NSUN7: variants seen among roughly 807,000 people sequenced by gnomAD.
The protein encoded by NSUN7 is protein NSUN7.
A neutral mutation model predicts 58.5 loss-of-function variants in NSUN7; 39 were observed. The observed-to-expected ratio is 0.67, with a 90% CI of 0.52 to 0.87. The LOEUF (loss-of-function observed/expected upper bound fraction) is 0.87. NSUN7 is among the 40% of genes least tolerant of loss of function. The probability of loss-of-function intolerance (pLI) is 0.00; values close to 1 mark genes in which losing one functional copy is unlikely to be tolerated. For missense variants in NSUN7, 765 were observed against 844.1 expected (o/e 0.91, Z 1.16); for synonymous variants, 278 against 303.7 (o/e 0.92, Z 0.88).
chr4:40,770,918 G>T (rs1450079166), intron 4 of NSUN7, among the ~76,000 whole-genome samples: 1 of 152,086 alleles, frequency 6.6e-6, no homozygotes, highest in Non-Finnish European at 1.5e-5. Context: ...AGGTGTGGTG[G>T]TGTGCACCTG....
chr4:40,760,594 G>T, intron 3 of NSUN7, 102 bp downstream of exon 3: 1 of 892,718 alleles, frequency 1.1e-6, no homozygotes, highest in Admixed American at 2.6e-5. Flanking sequence ...CGGGCGCAGT[G>T]GCTCACACCT....
intron 2 of NSUN7, among the ~76,000 whole-genome samples, chr4:40,753,851 A>G (rs1208347288): frequency 1.3e-5 from 2 of 152,040 alleles, no homozygotes; most frequent in Admixed American, 6.6e-5. Flanking sequence ...TGATGGTTCT[A>G]TAAGGGGGAG....
Position 40,808,925 on chromosome 4 carries a change from C to T in NSUN7, c.2143C>T (p.Arg715Trp), listed in dbSNP as rs1283420058. Residue 715 changes from arginine to tryptophan, a missense_variant, in exon 12 of 12, where the codon CGG (arginine) becomes TGG (tryptophan). Arg to Trp is a moderately radical substitution (Grantham distance 101). Coordinates refer to ENST00000381782, the MANE Select transcript of NSUN7 (RefSeq NM_024677.6). Reference protein sequence around the residue: ...DTPSSLLRPPRRWL With the variant: ...DTPSSLLRPPWRWL ...ACCTTCCTCCCTACTCAGGCCTCCT[C>T]GGCGATGGCTTTGATTGTCTTGTGT... is the stretch of plus-strand genomic sequence containing the variant. 8 of 1,521,192 alleles carry T rather than the reference C, an allele frequency of 5.3e-6. No individual in the cohort carries two copies. Among genetic ancestry groups the T allele is most frequent in the Middle Eastern group, 1.7e-4 (1 of 5,912 alleles). 94.2% of individuals were successfully genotyped at this position (1,521,192 alleles called of 1,614,324 possible). A position where few individuals can be genotyped will look rare whatever the true frequency, so the allele number is the denominator to read the frequency against.
At chr4:40,765,914 T>G (rs1235088858) in intron 4 of NSUN7, among the ~76,000 whole-genome samples, 1 of 152,258 alleles carries the variant, frequency 6.6e-6, no homozygotes, top group Non-Finnish European at 1.5e-5. Context: ...ATGCTTGTGA[T>G]ATTTGTACAT....
At chr4:40,752,655 T>C (rs1056745733) in intron 2 of NSUN7, among the ~76,000 whole-genome samples, 3 of 151,960 alleles carry the variant, frequency 2.0e-5, no homozygotes, top group Admixed American at 1.3e-4. Flanking sequence ...CTCCTGACTT[T>C]GTGATCCACC....
Position 40,794,867 on chromosome 4 carries a change from T to C in NSUN7, c.1282+391T>C, listed in dbSNP as rs150234756. ...AGTCCAAATTTTAGTCAAACTCTTA[T>C]TTCTCTTAGTGCTAAGTAGAGAACA... On this transcript the variant is annotated intron_variant, in intron 9 of 11. Transcript: ENST00000381782. 1.4e-3 allele frequency among the ~76,000 whole-genome samples: 220 copies of C among 152,316 alleles called. 1 individual carries two copies. The highest frequency in any genetic ancestry group is 0.011 in the South Asian group (54 of 4,826).
At chr4:40,795,248 A>G (rs1743270676) in intron 9 of NSUN7, among the ~76,000 whole-genome samples, 1 of 152,206 alleles carries the variant, frequency 6.6e-6, no homozygotes, top group South Asian at 2.1e-4. Context: ...AAATAAATAT[A>G]TAAACACACA....
At chr4:40,769,477 G>A (rs1560550352) in intron 4 of NSUN7, among the ~76,000 whole-genome samples, 1 of 152,184 alleles carries the variant, frequency 6.6e-6, no homozygotes, top group South Asian at 2.1e-4. Flanking sequence ...CTTTATGCCT[G>A]GAAGAATTCT....
chr4:40,802,919 C>CCT (rs1743651130), intron 10 of NSUN7, among the ~76,000 whole-genome samples: 4 of 143,110 alleles, frequency 2.8e-5, no homozygotes, highest in Admixed American at 6.9e-5. Flanking sequence ...AGGTATATCT[C>CCT]GTGCTAACCC....
chr4:40,754,446 C>G (rs369662289), intron 2 of NSUN7, among the ~76,000 whole-genome samples: 1 of 152,174 alleles, frequency 6.6e-6, no homozygotes, highest in African/African-American at 2.4e-5. Context: ...CTGCAACAAG[C>G]CATCTGCTAT....
chr4:40,751,092 GT>G, intron 2 of NSUN7, 101 bp downstream of exon 2: 1 of 1,397,094 alleles, frequency 7.2e-7, no homozygotes. Context: ...TTCACACCAG[GT>G]TTTGGTTTTA....
Position 40,794,397 on chromosome 4 carries a change from C to A in NSUN7, c.1203C>A (p.His401Gln). 1 of 1,608,336 alleles carries A rather than the reference C, an allele frequency of 6.2e-7. No homozygotes were observed. The highest frequency in any genetic ancestry group is 1.3e-5 in the African/African-American group (1 of 74,876). ...EHEDTEFLKD[H>Q]SQGGISVDKL... ...CAGATACAGAATTCCTTAAAGATCA[C>A]TCTCAAGGAGGCATCTCAGTGGACA... Residue 401 changes from histidine (H) to glutamine (Q), a missense_variant, in exon 9 of 12, where the codon CAC becomes CAA. Physicochemically the swap from His to Gln is conservative, Grantham distance 24. Transcript: ENST00000381782.
chr4:40,789,198 G>T (rs1420960454), intron 7 of NSUN7, among the ~76,000 whole-genome samples: 1 of 152,118 alleles, frequency 6.6e-6, no homozygotes, highest in Non-Finnish European at 1.5e-5. Flanking sequence ...TTTACAGGAA[G>T]TACAGAAAAG....
chr4:40,792,284 T>A (rs192751074), intron 8 of NSUN7, among the ~76,000 whole-genome samples: 13 of 152,194 alleles, frequency 8.5e-5, no homozygotes, highest in African/African-American at 2.9e-4. Flanking sequence ...CTGGGCCATT[T>A]TGAGGTGGAA....
chr4:40,786,153 C>A, intron 7 of NSUN7: 1 of 1,611,888 alleles, frequency 6.2e-7, no homozygotes, highest in South Asian at 1.1e-5. Context: ...TCCTGTCCAA[C>A]CTGCCTTCAT....
intron 2 of NSUN7, among the ~76,000 whole-genome samples, chr4:40,757,725 TACACACAC>T (rs33941131): frequency 1.8e-4 from 25 of 142,560 alleles, no homozygotes; most frequent in East Asian, 4.2e-4. Flanking sequence ...TGTGTATATA[TACACACAC>T]ACACACACAC....
At position 40,765,688 on chromosome 4, in the gene NSUN7, C is replaced by T. The variant is rs556083912; in HGVS notation, c.488+4387C>T. Reference sequence around the variant, plus strand: ...ACCTTGGGTAGTATGGCCATTTTCACGATATTGATTCTTTCTACCCATGAG... The same window carrying T: ...ACCTTGGGTAGTATGGCCATTTTCATGATATTGATTCTTTCTACCCATGAG... On this transcript the variant is annotated intron_variant, in intron 4 of 11. Transcript: ENST00000381782. 1.2e-4 allele frequency among the ~76,000 whole-genome samples: 19 copies of T among 152,182 alleles called. No homozygotes were observed. The East Asian group carries it at 2.5e-3, about 20-fold the overall frequency.
At chr4:40,773,127 C>T (rs1403841392) in intron 4 of NSUN7, 1 of 152,228 alleles carries the variant, frequency 6.6e-6, no homozygotes, top group African/African-American at 2.4e-5. Flanking sequence ...CAAGACTATA[C>T]TGTTGCCATC....
intron 11 of NSUN7, 45 bp downstream of exon 11, chr4:40,807,229 A>G (rs1743843055): frequency 6.6e-7 from 1 of 1,512,628 alleles, no homozygotes; most frequent in African/African-American, 1.4e-5. Flanking sequence ...TGGAATTAAT[A>G]AACTACAAAG....
Sources: gnomAD v4.1 joint callset for allele counts (sites outside exome capture counted in the v4.1 genomes callset) on GRCh38, gnomAD v4.1.1 for gene constraint, MANE v1.5 for transcripts, NCBI Gene and HGNC (gene_info 2026-07-23, HGNC 2026-07-21) for gene names.